NLRP9: variants seen among roughly 807,000 people sequenced by gnomAD.
The protein encoded by NLRP9 is NLR family pyrin domain containing 9.
In NLRP9, 88 loss-of-function variants were observed where a neutral mutation model predicts 83.1. The ratio of observed to expected loss-of-function variants is 1.06; its 90% CI spans 0.89 to 1.26. The LOEUF is 1.26. Ranked by LOEUF, NLRP9 falls within the 50% of genes most tolerant of loss-of-function variation. The probability of loss-of-function intolerance (pLI) is 0.00; values close to 1 mark genes in which losing one functional copy is unlikely to be tolerated. For missense variants in NLRP9, 1,308 were observed against 1,179.3 expected (o/e 1.11, Z -1.60); for synonymous variants, 521 against 447.6 (o/e 1.16, Z -2.07).
intron 8 of NLRP9, chr19:55,711,354 C>A: frequency 2.6e-6 from 3 of 1,145,870 alleles, no homozygotes; most frequent in Non-Finnish European, 3.3e-6. Flanking sequence ...AAAGGCAAAC[C>A]TAATTTTCAG....
At chr19:55,731,388 GAA>G (rs1294890466) in intron 2 of NLRP9, among the ~76,000 whole-genome samples, 4 of 151,736 alleles carry the variant, frequency 2.6e-5, no homozygotes, top group African/African-American at 7.2e-5. Flanking sequence ...GAAAAGGAAA[GAA>G]AGAGAGAAAA....
At chr19:55,737,734 T>TAAAAAAAAAAAAAAAAAAAAAAAAAAAAA (rs57736610) in intron 1 of NLRP9, 4 of 79,692 alleles carry the variant, frequency 5.0e-5, no homozygotes, top group Admixed American at 2.8e-4. Context: ...ACCCTTTCTC[T>TAAAAAAAAAAAAAAAAAAAAAAAAAAAAA]AAAAAAAAAA....
At chr19:55,725,147 T>C (rs1416465719) in intron 3 of NLRP9, among the ~76,000 whole-genome samples, 1 of 152,338 alleles carries the variant, frequency 6.6e-6, no homozygotes, top group South Asian at 2.1e-4. Context: ...GTATATGCCA[T>C]ATATGTGTAT....
At chr19:55,709,412 A>G (rs1405258271) in intron 8 of NLRP9, 1 of 156,442 alleles carries the variant, frequency 6.4e-6, no homozygotes, top group African/African-American at 2.4e-5. Context: ...TTTCTCAGAG[A>G]CACTAATATA....
Position 55,733,459 on chromosome 19 carries a change from G to C in NLRP9, c.372C>G (p.Tyr124Ter). The C allele has an allele frequency of 6.2e-7, 1 of 1,613,706 alleles. No individual in the cohort carries two copies. The part of the protein sequence containing the change: ...ETCLHVPEHF[Y>*]KETMKNEYKE... ...TATACTCATTTTTCATGGTTTCTTT[G>C]TAGAAATGCTCAGGGACGTGAAGAC... The change falls in exon 2 of 9, where the codon TAC becomes TAG. Residue 124 changes from tyrosine to a stop codon, truncating the protein, a stop_gained. Coordinates refer to ENST00000332836, the MANE Select transcript of NLRP9 (RefSeq NM_176820.4). LOFTEE classifies it high-confidence loss of function.
intron 3 of NLRP9, among the ~76,000 whole-genome samples, chr19:55,724,377 A>G (rs556510322): frequency 3.0e-4 from 46 of 151,844 alleles, no homozygotes; most frequent in Non-Finnish European, 5.6e-4. Flanking sequence ...CCACTTCTAC[A>G]TAACTCCAAA....
intron 8 of NLRP9, 136 bp downstream of exon 8, chr19:55,711,663 CA>C: frequency 1.1e-6 from 1 of 911,682 alleles, no homozygotes; most frequent in African/African-American, 1.7e-5. Context: ...TTTATAGTGT[CA>C]ACAGGGGCCC....
intron 8 of NLRP9, chr19:55,709,735 G>A (rs984055991): frequency 6.6e-6 from 1 of 152,044 alleles, no homozygotes; most frequent in Non-Finnish European, 1.5e-5. Flanking sequence ...TACTGGACAC[G>A]ACTTCCTCCT....
At position 55,733,406 on chromosome 19, in the gene NLRP9, G is replaced by A. The variant is rs571820588; in HGVS notation, c.425C>T (p.Ala142Val). 1.2e-6 allele frequency: 2 copies of A among 1,614,042 alleles called. No individual in the cohort carries two copies. Among genetic ancestry groups the A allele is most frequent in the Admixed American group, 1.7e-5 (1 of 60,016 alleles). Reference sequence around the variant, plus strand: ...CAGGACCACAGTGTGTCGTCTAGCCGCAGCAGTATATGCGTCATTCAATTC... The same window carrying A: ...CAGGACCACAGTGTGTCGTCTAGCCACAGCAGTATATGCGTCATTCAATTC... ...YKELNDAYTA[A>V]ARRHTVVLEG... The change falls in exon 2 of 9, where the codon GCG becomes GTG. Residue 142 changes from alanine to valine, a missense_variant. Physicochemically the swap from Ala to Val is moderately conservative, Grantham distance 64. Coordinates refer to ENST00000332836, the MANE Select transcript of NLRP9 (RefSeq NM_176820.4).
rs1262179748 is a variant in NLRP9 at position 55,716,774 on chromosome 19, G to A, written c.2284C>T (p.Leu762=). ...TGTGAGTGCTTCAGGGCTTCACACA[G>A]CAACGTCATTCCTTCGTCCCTCAAG... ...NPLRDEGMTL[L]CEALKHSHCA... Residue 762 remains leucine, a synonymous_variant, in exon 5 of 9, where the codon CTG becomes TTG. Coordinates refer to ENST00000332836, the MANE Select transcript of NLRP9 (RefSeq NM_176820.4). 1.2e-5 allele frequency: 19 copies of A among 1,613,810 alleles called. No individual in the cohort carries two copies. Among genetic ancestry groups the A allele is most frequent in the Non-Finnish European group, 1.5e-5 (18 of 1,179,936 alleles).
chr19:55,711,689 AC>A, intron 8 of NLRP9, 110 bp downstream of exon 8: 4 of 1,098,598 alleles, frequency 3.6e-6, no homozygotes, highest in Non-Finnish European at 5.4e-6. Context: ...ACAGGCCCCC[AC>A]CACAAACAAC....
At position 55,716,847 on chromosome 19, in the gene NLRP9, G is replaced by C; in HGVS notation, c.2211C>G (p.Val737=). 6.2e-7 allele frequency: 1 copy of C among 1,613,864 alleles called. No individual in the cohort carries two copies. Among genetic ancestry groups the C allele is most frequent in the Non-Finnish European group, 8.5e-7 (1 of 1,179,926 alleles). The change falls in exon 5 of 9, where the codon GTC becomes GTG. Residue 737 remains valine (V), a synonymous_variant. Transcript: ENST00000332836. ...GTTTCAGCTTGCTGTTGCAGGCCAGGACGGAGGCGATGTCTTCACAAACTT... is the reference window on the plus strand; with the variant it reads ...GTTTCAGCTTGCTGTTGCAGGCCAGCACGGAGGCGATGTCTTCACAAACTT... ...SSEVCEDIAS[V]LACNSKLKHL... is the part of the protein sequence containing the mutation.
At chr19:55,730,308 A>T (rs988152261) in intron 2 of NLRP9, among the ~76,000 whole-genome samples, 2 of 152,196 alleles carry the variant, frequency 1.3e-5, no homozygotes, top group Admixed American at 1.3e-4. Flanking sequence ...TTAAAAAATT[A>T]GACAGATGTG....
chr19:55,738,283 T>G lies in NLRP9; in HGVS notation c.92A>C (p.Lys31Thr), dbSNP rs148319418. Residue 31 changes from lysine (K) to threonine (T), a missense_variant, in exon 1 of 9, where the codon AAA becomes ACA. By Grantham distance (78) the Lys-to-Thr change is moderately conservative (BLOSUM62 -1). Transcript: ENST00000332836. ...GAGTTCAAATTTCTCCAAAGGTTGT[T>G]TGAGGAGCTCCTTAAATTTCCAAAA... ...EEFWKFKELL[K>T]QPLEKFELKP... The G allele has an allele frequency of 6.6e-3, 10,584 of 1,614,100 alleles. 63 individuals are homozygous for G. Among genetic ancestry groups the G allele is most frequent in the Non-Finnish European group, 6.8e-3 (8,077 of 1,180,008 alleles).
Position 55,738,253 on chromosome 19 carries a change from G to T in NLRP9, c.122C>A (p.Pro41Gln). 1 of 1,614,116 alleles carries T rather than the reference G, an allele frequency of 6.2e-7. No homozygotes were observed. Among genetic ancestry groups the T allele is most frequent in the Non-Finnish European group, 8.5e-7 (1 of 1,180,044 alleles). ...CTTCTTCAGCTCAGCCCAGGGGATT[G>T]GCTTGAGTTCAAATTTCTCCAAAGG... Reference protein sequence around the residue: ...KQPLEKFELKPIPWAELKKAS... With the variant: ...KQPLEKFELKQIPWAELKKAS... The change falls in exon 1 of 9, where the codon CCA (proline) becomes CAA (glutamine). Residue 41 changes from proline (P) to glutamine (Q), a missense_variant. Coordinates refer to ENST00000332836, the MANE Select transcript of NLRP9 (RefSeq NM_176820.4).
At chr19:55,723,430 G>A (rs530488035) in intron 4 of NLRP9, among the ~76,000 whole-genome samples, 3 of 152,244 alleles carry the variant, frequency 2.0e-5, no homozygotes, top group East Asian at 1.9e-4. Flanking sequence ...GGAGGTGTCC[G>A]TGAGATGAGC....
chr19:55,729,839 T>G lies in NLRP9; in HGVS notation c.1986A>C (p.Arg662=). Residue 662 remains arginine (R), a synonymous_variant, in exon 3 of 9, where the codon CGA becomes CGC. Coordinates refer to ENST00000332836, the MANE Select transcript of NLRP9 (RefSeq NM_176820.4). The part of the protein sequence containing the change: ...KALAQPVCKL[R]KLIFTSVYFG... ...GTTAACATAAAACTTACATGAGTTT[T>G]CGGAGTTTACAAACAGGCTGAGCCA... 1.2e-6 allele frequency: 2 copies of G among 1,611,756 alleles called. No homozygotes were observed. The highest frequency in any genetic ancestry group is 1.7e-6 in the Non-Finnish European group (2 of 1,179,120).
Position 55,716,772 on chromosome 19 carries a change from C to T in NLRP9, c.2286G>A (p.Leu762=), listed in dbSNP as rs138523832. ...NPLRDEGMTL[L]CEALKHSHCA... is the part of the protein sequence containing the mutation. ...AGTGTGAGTGCTTCAGGGCTTCACA[C>T]AGCAACGTCATTCCTTCGTCCCTCA... The change falls in exon 5 of 9, where the codon CTG becomes CTA. Residue 762 remains leucine, a synonymous_variant. Transcript: ENST00000332836. The T allele has an allele frequency of 2.1e-5, 34 of 1,613,976 alleles. No homozygotes were observed. The African/African-American group carries it at 4.0e-4, about 19-fold the overall frequency.
intron 4 of NLRP9, 118 bp from the exon 5 acceptor site, chr19:55,717,016 C>T (rs1988046004): frequency 6.1e-6 from 4 of 653,238 alleles, no homozygotes; most frequent in Admixed American, 5.6e-5. Context: ...CCATTATCTA[C>T]ACTACAGACT....
Sources: gnomAD v4.1 joint callset for allele counts (sites outside exome capture counted in the v4.1 genomes callset) on GRCh38, gnomAD v4.1.1 for gene constraint, MANE v1.5 for transcripts, NCBI Gene and HGNC (gene_info 2026-07-23, HGNC 2026-07-21) for gene names.